PCDH18: variants seen among roughly 807,000 people sequenced by gnomAD.
PCDH18 encodes protocadherin 18, also known as protocadherin-18.
A neutral mutation model predicts 71.5 loss-of-function variants in PCDH18; 38 were observed. That is an observed-to-expected ratio of 0.53 (90% confidence interval 0.41 to 0.70). The LOEUF (loss-of-function observed/expected upper bound fraction) is 0.70, where lower values mean the gene tolerates loss of function less well. PCDH18 is among the 30% of genes least tolerant of loss of function. PCDH18 has a pLI of 0.00. For synonymous variants in PCDH18, 565 were observed against 505.4 expected (o/e 1.12, Z -1.58); for missense variants, 1,334 against 1,384.6 (o/e 0.96, Z 0.58).
At position 137,531,207 on chromosome 4, in the gene PCDH18, C is replaced by T; in HGVS notation, c.882G>A (p.Met294Ile). 6.2e-7 allele frequency: 1 copy of T among 1,611,940 alleles called. No homozygotes were observed. Among genetic ancestry groups the T allele is most frequent in the Non-Finnish European group, 8.5e-7 (1 of 1,178,922 alleles). The stretch of plus-strand genomic sequence containing the variant: ...TTTCAGAATCAATTTTAAAAGTCTC[C>T]ATAATTTTGGGAGACACATGACTGC... ...SFSSHVSPKI[M>I]ETFKIDSERG... The change falls in exon 1 of 4, where the codon ATG becomes ATA. Residue 294 changes from methionine (M) to isoleucine (I), a missense_variant. Met to Ile is a conservative substitution (Grantham distance 10, BLOSUM62 1). This residue lies in a region of PCDH18 where 1,011 missense variants were observed against 1,048.0 expected (regional missense o/e 0.96). Coordinates refer to ENST00000344876, the MANE Select transcript of PCDH18 (RefSeq NM_019035.5).
rs371013048 is a variant in PCDH18 at position 137,521,526 on chromosome 4, C to A, written c.2911G>T (p.Ala971Ser). Reference protein sequence around the residue: ...QHPHQSLEDDAQPADSGEKKK... With the variant: ...QHPHQSLEDDSQPADSGEKKK... Reference sequence around the variant, plus strand: ...TTTTCACCGGAATCTGCAGGCTGAGCGTCATCCTCAAGACTCTGATGTGGA... The same window carrying A: ...TTTTCACCGGAATCTGCAGGCTGAGAGTCATCCTCAAGACTCTGATGTGGA... Residue 971 changes from alanine to serine, a missense_variant, in exon 4 of 4, where the codon GCT becomes TCT. This residue lies in a region of PCDH18 where 319 missense variants were observed against 316.3 expected (regional missense o/e 1.01). Coordinates refer to ENST00000344876, the MANE Select transcript of PCDH18 (RefSeq NM_019035.5). 2 of 1,613,980 alleles carry A rather than the reference C, an allele frequency of 1.2e-6. No individual in the cohort carries two copies. Among genetic ancestry groups the A allele is most frequent in the Admixed American group, 3.3e-5 (2 of 59,982 alleles).
intron 3 of PCDH18, among the ~76,000 whole-genome samples, chr4:137,525,623 G>T (rs1373933852): frequency 6.6e-6 from 1 of 152,040 alleles, no homozygotes; most frequent in Non-Finnish European, 1.5e-5. Flanking sequence ...TATGCATATT[G>T]CAGTCTACAG....
chr4:137,530,762 G>A lies in PCDH18; in HGVS notation c.1327C>T (p.Pro443Ser). Residue 443 changes from proline (P) to serine (S), a missense_variant, in exon 1 of 4, where the codon CCC (proline) becomes TCC (serine). Pro to Ser is a moderately conservative substitution (Grantham distance 74). Around this residue, in one of 3 missense-constraint regions of PCDH18, gnomAD observed 1,011 missense variants for 1,048.0 expected, o/e 0.96. Transcript: ENST00000344876. ...LTVIAEDRGT[P>S]SLSTVKHFTV... ...AAATGTTTCACTGTAGAGAGACTGGGTGTCCCCCTGTCCTCAGCGATTACA... is the reference window on the plus strand; with the variant it reads ...AAATGTTTCACTGTAGAGAGACTGGATGTCCCCCTGTCCTCAGCGATTACA... The A allele has an allele frequency of 6.2e-7, 1 of 1,612,696 alleles. No homozygotes were observed.
At chr4:137,528,019 C>T (rs1476320995) in intron 3 of PCDH18, among the ~76,000 whole-genome samples, 1 of 152,128 alleles carries the variant, frequency 6.6e-6, no homozygotes, top group Admixed American at 6.6e-5. Context: ...GTATTTTAGT[C>T]TCTGATTTTG....
chr4:137,527,998 CAATTTCCAGTGT>C (rs1731529053), intron 3 of PCDH18, among the ~76,000 whole-genome samples: 1 of 152,122 alleles, frequency 6.6e-6, no homozygotes, highest in Non-Finnish European at 1.5e-5. Context: ...TTGAAGTGTA[CAATTTCCAGTGT>C]ATTTTAGTCT....
rs376290453 is a variant in PCDH18 at position 137,520,062 on chromosome 4, T to C, written c.*967A>G. The C allele has an allele frequency of 1.2e-3, 180 of 152,214 alleles. No homozygotes were observed. Among genetic ancestry groups the C allele is most frequent in the African/African-American group, 4.2e-3 (174 of 41,298 alleles). 9.4% of individuals were successfully genotyped at this position (152,214 alleles called of 1,614,324 possible). A position where few individuals can be genotyped will look rare whatever the true frequency, so the allele number is the denominator to read the frequency against. ...CCAAAAGATTAAAATGTTCAAGTAT[T>C]GTGAGAGGAAAGGGGAGATTCAAAA... On this transcript the variant is annotated 3_prime_UTR_variant, in exon 4 of 4. Transcript: ENST00000344876.
chr4:137,523,815 A>G (rs1373901244), intron 3 of PCDH18, among the ~76,000 whole-genome samples: 3 of 152,238 alleles, frequency 2.0e-5, no homozygotes, highest in Non-Finnish European at 4.4e-5. Context: ...AATTTTTTAA[A>G]CAGTGAATGT....
At chr4:137,527,048 T>A (rs1040478226) in intron 3 of PCDH18, among the ~76,000 whole-genome samples, 6 of 151,624 alleles carry the variant, frequency 4.0e-5, no homozygotes, top group Non-Finnish European at 8.8e-5. Context: ...AGTGCAGGTA[T>A]CAAACTCTGC....
chr4:137,521,494 C>G lies in PCDH18; in HGVS notation c.2943G>C (p.Lys981Asn). ...AGTCCTTTCCAAAGGTGGAAAAACT[C>G]TTCTTCTTTTCACCGGAATCTGCAG... ...AQPADSGEKK[K>N]SFSTFGKDSP... is the part of the protein sequence containing the mutation. Residue 981 changes from lysine to asparagine, a missense_variant, in exon 4 of 4, where the codon AAG becomes AAC. By Grantham distance (94) the Lys-to-Asn change is moderately conservative (BLOSUM62 0). Around this residue, in one of 3 missense-constraint regions of PCDH18, gnomAD observed 319 missense variants for 316.3 expected, o/e 1.01. Coordinates refer to ENST00000344876, the MANE Select transcript of PCDH18 (RefSeq NM_019035.5). 2 of 1,614,124 alleles carry G rather than the reference C, an allele frequency of 1.2e-6. No homozygotes were observed. Among genetic ancestry groups the G allele is most frequent in the Non-Finnish European group, 1.7e-6 (2 of 1,180,012 alleles).
rs1300143958 is a variant in PCDH18, at chr4:137,528,831, A to G, written c.2488-11T>C. On this transcript the variant is annotated splice_polypyrimidine_tract_variant and intron_variant, in intron 1 of 3. Coordinates refer to ENST00000344876, the MANE Select transcript of PCDH18 (RefSeq NM_019035.5). ...AAGCTGAGAGACCTGCTGGAAACCA[A>G]ATAGACAGAACTGATTCCCGGAAAC... The G allele has an allele frequency of 1.9e-6, 3 of 1,588,450 alleles. No individual in the cohort carries two copies. In the South Asian group the frequency reaches 3.3e-5, roughly 18 times the overall value.
intron 2 of PCDH18, 25 bp downstream of exon 2, chr4:137,528,707 T>C: frequency 1.2e-6 from 2 of 1,606,424 alleles, no homozygotes; most frequent in Admixed American, 1.7e-5. Flanking sequence ...TGAAACTTAA[T>C]AGGTAACACA....
chr4:137,523,208 G>A (rs1446691543), intron 3 of PCDH18, among the ~76,000 whole-genome samples: 1 of 152,062 alleles, frequency 6.6e-6, no homozygotes, highest in Non-Finnish European at 1.5e-5. Flanking sequence ...GAGAAAGAGC[G>A]TAAGCATGAA....
At position 137,521,223 on chromosome 4, in the gene PCDH18, G is replaced by A. The variant is rs138873003; in HGVS notation, c.3214C>T (p.Pro1072Ser). ...TGCACACTGGAGTGAGTTCCAAGTG[G>A]CGGCCCACAGTTGGTGGTGGGATTT... ...FQNPTTNCGPPLGTHSSVQPS... is the reference protein window; with the variant it reads ...FQNPTTNCGPSLGTHSSVQPS... The change falls in exon 4 of 4, where the codon CCA becomes TCA. Residue 1072 changes from proline to serine, a missense_variant. Physicochemically the swap from Pro to Ser is moderately conservative, Grantham distance 74. Coordinates refer to ENST00000344876, the MANE Select transcript of PCDH18 (RefSeq NM_019035.5). The A allele has an allele frequency of 3.3e-4, 536 of 1,613,688 alleles. 1 individual carries two copies. Among genetic ancestry groups the A allele is most frequent in the Admixed American group, 4.7e-4 (28 of 59,980 alleles).
Position 137,532,357 on chromosome 4 carries a change from T to C in PCDH18, c.-269A>G. 4.3e-6 allele frequency: 3 copies of C among 702,412 alleles called. No individual in the cohort carries two copies. Among genetic ancestry groups the C allele is most frequent in the South Asian group, 3.0e-5 (2 of 67,606 alleles). The allele number at this position is 702,412 out of a possible 1,614,324, so 43.5% of individuals were successfully genotyped here. A position where few individuals can be genotyped will look rare whatever the true frequency, so the allele number is the denominator to read the frequency against. Reference sequence around the variant, plus strand: ...AGGAGAGTGTCACCTCCGCGTTTTCTCCCTTGTGTAGTCGGAATCCATCTA... The same window carrying C: ...AGGAGAGTGTCACCTCCGCGTTTTCCCCCTTGTGTAGTCGGAATCCATCTA... On this transcript the variant is annotated 5_prime_UTR_variant, in exon 1 of 4. Transcript: ENST00000344876.
At chr4:137,524,123 A>G (rs951491482) in intron 3 of PCDH18, among the ~76,000 whole-genome samples, 7 of 152,156 alleles carry the variant, frequency 4.6e-5, no homozygotes, top group Admixed American at 1.3e-4. Flanking sequence ...CAAGTGGTGC[A>G]AGTGGCTAAT....
chr4:137,528,666 A>G, intron 2 of PCDH18, 25 bp from the exon 3 acceptor site: 1 of 1,612,864 alleles, frequency 6.2e-7, no homozygotes, highest in South Asian at 1.1e-5. Flanking sequence ...CACAAAAAAA[A>G]ATTACAGTTT....
chr4:137,527,820 A>T (rs150797268), intron 3 of PCDH18, among the ~76,000 whole-genome samples: 689 of 152,290 alleles, frequency 4.5e-3, no homozygotes, highest in Middle Eastern at 0.031. Context: ...AGGAACTCCA[A>T]GGAAAACGTG....
At chr4:137,522,883 A>G (rs1731341239) in intron 3 of PCDH18, among the ~76,000 whole-genome samples, 1 of 152,182 alleles carries the variant, frequency 6.6e-6, no homozygotes, top group Non-Finnish European at 1.5e-5. Flanking sequence ...TATTCACTAC[A>G]TGTTTTCTAA....
Position 137,532,481 on chromosome 4 carries a change from C to A in PCDH18, c.-393G>T. On this transcript the variant is annotated 5_prime_UTR_variant, in exon 1 of 4. Transcript: ENST00000344876. ...GACTAAACACCCGTGATTGCTGACT[C>A]CAGTCTAAAATCTGTACAACTTCAC... 1.6e-6 allele frequency: 1 copy of A among 622,640 alleles called. No individual in the cohort carries two copies. The allele number at this position is 622,640 out of a possible 1,614,324, so 38.6% of individuals were successfully genotyped here.
Sources: allele counts gnomAD v4.1 joint callset (sites outside exome capture counted in the v4.1 genomes callset), GRCh38; gene constraint gnomAD v4.1.1; regional missense constraint gnomAD v4.1.1; transcripts MANE v1.5; gene names NCBI Gene and HGNC (gene_info 2026-07-23, HGNC 2026-07-21).